The following AFF2 variants were observed in gnomAD, a reference collection of about 807,000 sequenced individuals.
The protein encoded by AFF2 is ALF transcription elongation factor 2, also known as AF4/FMR2 family member 2.
AFF2 carries 14 observed loss-of-function variants against 76.9 expected under a neutral mutation model. The observed-to-expected ratio is 0.18, with a 90% CI of 0.12 to 0.28. The LOEUF is 0.28. AFF2 is among the 10% of genes least tolerant of loss of function. The probability of loss-of-function intolerance (pLI) is 1.00; values close to 1 mark genes in which losing one functional copy is unlikely to be tolerated. For synonymous variants in AFF2, 398 were observed against 366.7 expected, an observed-to-expected ratio of 1.09 and a Z score of -0.98; for missense variants, 868 against 1,001.1, an observed-to-expected ratio of 0.87 and a Z score of 1.79.
chrX:148,984,991 T>C (rs998992079), intron 19 of AFF2, among the ~76,000 whole-genome samples: 10 of 110,775 alleles, frequency 9.0e-5, no homozygotes, highest in Admixed American at 1.9e-4. Context: ...GTTTTCTTTT[T>C]TTCTGTCTTT....
At chrX:148,947,298 T>G (rs2124337535) in intron 9 of AFF2, among the ~76,000 whole-genome samples, 1 of 111,958 alleles carries the variant, frequency 8.9e-6, no homozygotes, top group Admixed American at 9.5e-5. Context: ...GCAGAAAATA[T>G]ATTTGATTGT....
intron 15 of AFF2, 72 bp from the exon 16 acceptor site, chrX:148,973,399 G>A (rs990128345): frequency 5.1e-6 from 6 of 1,168,657 alleles, no homozygotes. Flanking sequence ...CTACCCCCCA[G>A]TTTCAAACCA....
intron 1 of AFF2, among the ~76,000 whole-genome samples, chrX:148,643,608 G>A (rs1394160469): frequency 8.9e-6 from 1 of 112,194 alleles, no homozygotes; most frequent in Non-Finnish European, 1.9e-5. Flanking sequence ...TATTAGAGCA[G>A]AAAAGAAACT....
At chrX:148,669,871 A>G (rs2054403290) in intron 3 of AFF2, among the ~76,000 whole-genome samples, 1 of 111,656 alleles carries the variant, frequency 9.0e-6, no homozygotes, top group Admixed American at 9.5e-5. Flanking sequence ...GGATAACTTT[A>G]TACTTTTAGG....
At chrX:148,948,092 TTCA>T (rs1373269968) in intron 9 of AFF2, among the ~76,000 whole-genome samples, 1 of 112,571 alleles carries the variant, frequency 8.9e-6, no homozygotes. Context: ...GAATGGCCAA[TTCA>T]TCATCTCTGT....
intron 13 of AFF2, 39 bp from the exon 14 acceptor site, chrX:148,966,751 C>A (rs2072180192): frequency 8.4e-7 from 1 of 1,193,790 alleles, no homozygotes; most frequent in Non-Finnish European, 1.1e-6. Flanking sequence ...TTTTAAAAAG[C>A]TGGACCTAAT....
At chrX:148,738,823 T>C (rs1282192090) in intron 3 of AFF2, among the ~76,000 whole-genome samples, 1 of 111,847 alleles carries the variant, frequency 8.9e-6, no homozygotes, top group East Asian at 2.8e-4. Flanking sequence ...TGTGTCATTA[T>C]TGTCATTCAG....
At chrX:148,881,330 G>A (rs2071093039) in intron 7 of AFF2, among the ~76,000 whole-genome samples, 1 of 111,636 alleles carries the variant, frequency 9.0e-6, no homozygotes, top group Admixed American at 9.5e-5. Context: ...GAGAGTGACA[G>A]GCCTAAAGAC....
chrX:148,568,025 C>T (rs2053187309), intron 1 of AFF2, among the ~76,000 whole-genome samples: 1 of 110,733 alleles, frequency 9.0e-6, no homozygotes, highest in Admixed American at 9.6e-5. Context: ...CTTTTGATAT[C>T]ATTGGGAGTT....
intron 3 of AFF2, among the ~76,000 whole-genome samples, chrX:148,722,499 T>A (rs1290984807): frequency 3.6e-5 from 4 of 110,581 alleles, no homozygotes; most frequent in African/African-American, 1.3e-4. Flanking sequence ...ATGTGAGATG[T>A]CCTCTTTCAT....
chrX:148,841,047 T>C (rs2070594130), intron 5 of AFF2, among the ~76,000 whole-genome samples: 1 of 112,470 alleles, frequency 8.9e-6, no homozygotes, highest in African/African-American at 3.2e-5. Flanking sequence ...ATTGTTGCAC[T>C]GATGGTCTGG....
intron 4 of AFF2, among the ~76,000 whole-genome samples, chrX:148,817,996 AG>A (rs2070286621): frequency 8.9e-6 from 1 of 112,003 alleles, no homozygotes; most frequent in African/African-American, 3.2e-5. Context: ...CCCAAAGGCT[AG>A]TATCACATTT....
rs781824265 is a variant in AFF2, at chrX:148,885,955, C to A, written c.1329C>A (p.Thr443=). Residue 443 remains threonine, a synonymous_variant, in exon 8 of 21, where the codon ACC becomes ACA. Coordinates refer to ENST00000370460, the MANE Select transcript of AFF2 (RefSeq NM_002025.4). ...EDDLEPVKTL[T]TQCTATELYQ... ...ACCTTGAGCCTGTGAAGACCTTGAC[C>A]ACTCAGTGCACTGCCACTGAGCTCT... is the stretch of plus-strand genomic sequence containing the variant. 68 of 1,206,487 alleles carry A rather than the reference C, an allele frequency of 5.6e-5. No individual in the cohort carries two copies. Among genetic ancestry groups the A allele is most frequent in the Non-Finnish European group, 6.8e-5 (61 of 892,571 alleles).
At chrX:148,595,330 A>G (rs1557247167) in intron 1 of AFF2, among the ~76,000 whole-genome samples, 1 of 111,960 alleles carries the variant, frequency 8.9e-6, no homozygotes, top group Non-Finnish European at 1.9e-5. Context: ...AAAGAGAAGG[A>G]ATAAATAAAA....
intron 19 of AFF2, among the ~76,000 whole-genome samples, chrX:148,981,989 G>A (rs1284791846): frequency 8.9e-6 from 1 of 112,116 alleles, no homozygotes; most frequent in Admixed American, 9.5e-5. Flanking sequence ...AAAAGAGAAA[G>A]AGTGCTTCTC....
intron 3 of AFF2, among the ~76,000 whole-genome samples, chrX:148,766,157 A>G (rs2069513552): frequency 9.0e-6 from 1 of 110,587 alleles, no homozygotes; most frequent in African/African-American, 3.3e-5. Flanking sequence ...TAGTGCCGCC[A>G]TAAACATATG....
chrX:148,885,831 C>T (rs1430533658), intron 7 of AFF2, 58 bp from the exon 8 acceptor site: 7 of 972,947 alleles, frequency 7.2e-6, no homozygotes, highest in Non-Finnish European at 1.0e-5. Flanking sequence ...AAGATGTATC[C>T]GAGGATGATT....
intron 3 of AFF2, among the ~76,000 whole-genome samples, chrX:148,736,187 C>G (rs1408981469): frequency 4.5e-5 from 5 of 112,269 alleles, no homozygotes; most frequent in Middle Eastern, 4.6e-3. Flanking sequence ...TTTAAGGAAT[C>G]TCCACACTGT....
chrX:148,516,680 A>G (rs2052538610), intron 1 of AFF2, among the ~76,000 whole-genome samples: 1 of 111,907 alleles, frequency 8.9e-6, no homozygotes, highest in Non-Finnish European at 1.9e-5. Flanking sequence ...TTGAGGCCCA[A>G]AGAGGTTGAG....
Sources: allele counts gnomAD v4.1 joint callset (sites outside exome capture counted in the v4.1 genomes callset), GRCh38; gene constraint gnomAD v4.1.1; transcripts MANE v1.5; gene names NCBI Gene and HGNC (gene_info 2026-07-23, HGNC 2026-07-21).